Variants in POMGNT2 observed in about 807,000 individuals in gnomAD.
POMGNT2 encodes the protein protein O-linked-mannose beta-1,4-N-acetylglucosaminyltransferase 2.
In POMGNT2, 32 loss-of-function variants were observed where a neutral mutation model predicts 37.8. That is an observed-to-expected ratio of 0.85 (90% confidence interval 0.64 to 1.14). The LOEUF (loss-of-function observed/expected upper bound fraction) is 1.14. Among genes scored for constraint, POMGNT2 ranks in the 50% most tolerant of loss-of-function variants. The pLI is 0.00. For missense variants in POMGNT2, 705 were observed against 780.6 expected (o/e 0.90, Z 1.15); for synonymous variants, 340 against 336.8 (o/e 1.01, Z -0.10).
chr3:43,104,984 A>G (rs949745284), intron 1 of POMGNT2, among the ~76,000 whole-genome samples: 2 of 152,222 alleles, frequency 1.3e-5, no homozygotes, highest in Non-Finnish European at 2.9e-5. Flanking sequence ...CATTTGGTGA[A>G]TGAAACCTCC....
At chr3:43,082,173 C>T (rs1430290075) in intron 1 of POMGNT2, among the ~76,000 whole-genome samples, 1 of 152,178 alleles carries the variant, frequency 6.6e-6, no homozygotes, top group Non-Finnish European at 1.5e-5. Flanking sequence ...TAGGAAAATC[C>T]CTTGCAGGGG....
chr3:43,096,757 T>A (rs573652971), intron 1 of POMGNT2, among the ~76,000 whole-genome samples: 1 of 151,978 alleles, frequency 6.6e-6, no homozygotes, highest in East Asian at 1.9e-4. Flanking sequence ...AAAACAAAAA[T>A]TTTTTCAAAA....
At chr3:43,084,103 T>C (rs1184311295) in intron 1 of POMGNT2, among the ~76,000 whole-genome samples, 2 of 152,212 alleles carry the variant, frequency 1.3e-5, no homozygotes, top group African/African-American at 4.8e-5. Context: ...TCGAATTGTT[T>C]TTCCCTGGAG....
At chr3:43,104,613 G>A (rs1263611893) in intron 1 of POMGNT2, among the ~76,000 whole-genome samples, 1 of 152,194 alleles carries the variant, frequency 6.6e-6, no homozygotes, top group African/African-American at 2.4e-5. Flanking sequence ...TGCAGGGACT[G>A]AGATTCCTCA....
chr3:43,102,406 T>C (rs2090025999), intron 1 of POMGNT2, among the ~76,000 whole-genome samples: 1 of 152,230 alleles, frequency 6.6e-6, no homozygotes, highest in Non-Finnish European at 1.5e-5. Flanking sequence ...CAGTCACCAC[T>C]GGCAGAGTGA....
chr3:43,082,773 T>C (rs2089866803), intron 1 of POMGNT2, among the ~76,000 whole-genome samples: 1 of 152,184 alleles, frequency 6.6e-6, no homozygotes. Flanking sequence ...TCCAAGTGCA[T>C]CTTGCCTAGA....
At chr3:43,100,419 T>C (rs981935742) in intron 1 of POMGNT2, among the ~76,000 whole-genome samples, 1 of 152,186 alleles carries the variant, frequency 6.6e-6, no homozygotes, top group Non-Finnish European at 1.5e-5. Flanking sequence ...AACAGGCACT[T>C]GAGCATCCTT....
At chr3:43,097,069 G>A (rs887190618) in intron 1 of POMGNT2, among the ~76,000 whole-genome samples, 13 of 152,216 alleles carry the variant, frequency 8.5e-5, no homozygotes, top group Admixed American at 3.9e-4. Flanking sequence ...GGTGGTCATT[G>A]GTGCTGGGTG....
intron 1 of POMGNT2, among the ~76,000 whole-genome samples, chr3:43,099,451 G>A (rs2125711230): frequency 6.6e-6 from 1 of 152,306 alleles, no homozygotes; most frequent in South Asian, 2.1e-4. Flanking sequence ...TCTGTCTGCA[G>A]CAAGCATCAC....
At chr3:43,099,088 A>G (rs75435224) in intron 1 of POMGNT2, among the ~76,000 whole-genome samples, 2,219 of 152,250 alleles carry the variant, frequency 0.015, 55 homozygotes, top group African/African-American at 0.051. Context: ...TCACAAAGGT[A>G]ATGGAGAACA....
At chr3:43,083,240 CA>C (rs2089870149) in intron 1 of POMGNT2, among the ~76,000 whole-genome samples, 1 of 151,932 alleles carries the variant, frequency 6.6e-6, no homozygotes, top group Non-Finnish European at 1.5e-5. Flanking sequence ...ACAACAGAAA[CA>C]AAACAAAACA....
At chr3:43,090,899 G>A (rs1240586482) in intron 1 of POMGNT2, among the ~76,000 whole-genome samples, 1 of 152,156 alleles carries the variant, frequency 6.6e-6, no homozygotes, top group Non-Finnish European at 1.5e-5. Flanking sequence ...TACCCTAAAG[G>A]AATGACTGGA....
intron 1 of POMGNT2, among the ~76,000 whole-genome samples, chr3:43,097,423 C>G (rs2089987672): frequency 6.6e-6 from 1 of 151,612 alleles, no homozygotes. Flanking sequence ...GGGTTGGTTT[C>G]TGGTGAGGCT....
chr3:43,082,518 T>A (rs763785276), intron 1 of POMGNT2, among the ~76,000 whole-genome samples: 4 of 152,214 alleles, frequency 2.6e-5, no homozygotes, highest in Non-Finnish European at 4.4e-5. Flanking sequence ...ATACACACAC[T>A]GACAGAGAGG....
At chr3:43,101,752 A>T (rs2090020750) in intron 1 of POMGNT2, among the ~76,000 whole-genome samples, 1 of 152,208 alleles carries the variant, frequency 6.6e-6, no homozygotes, top group Non-Finnish European at 1.5e-5. Flanking sequence ...CCCCATAAGT[A>T]TCAGTAAAGG....
intron 1 of POMGNT2, among the ~76,000 whole-genome samples, chr3:43,104,953 C>T (rs951276040): frequency 1.3e-5 from 2 of 152,166 alleles, no homozygotes; most frequent in African/African-American, 4.8e-5. Flanking sequence ...GATTTGAAGG[C>T]GGGGCACATA....
chr3:43,102,013 T>C (rs997417686), intron 1 of POMGNT2, among the ~76,000 whole-genome samples: 1 of 151,880 alleles, frequency 6.6e-6, no homozygotes, highest in African/African-American at 2.4e-5. Context: ...CATAGGGAGA[T>C]GGCCATCCCT....
chr3:43,103,831 T>A (rs10865926), intron 1 of POMGNT2, among the ~76,000 whole-genome samples: 148,528 of 152,270 alleles, frequency 0.98, 72,548 homozygotes, highest in Middle Eastern at 1. Context: ...GCCAATTCTT[T>A]ACCTCTCCAA....
chr3:43,081,036 G>A lies in POMGNT2; in HGVS notation c.396C>T (p.Phe132=), dbSNP rs150567400. ...GCAGGGCAGCAGCAGGCAGCTCCAC[G>A]AAGTTGAAGTACTGAGTGTTGTGGT... ...VEDHNTQYFN[F]VELPAAALRF... The change falls in exon 2 of 2, where the codon TTC becomes TTT. Residue 132 remains phenylalanine, a synonymous_variant. Transcript: ENST00000344697. 168 of 1,614,118 alleles carry A rather than the reference G, an allele frequency of 1.0e-4. No homozygotes were observed. The highest frequency in any genetic ancestry group is 1.3e-4 in the Non-Finnish European group (149 of 1,180,044).
Sources: allele counts gnomAD v4.1 joint callset (sites outside exome capture counted in the v4.1 genomes callset), GRCh38; gene constraint gnomAD v4.1.1; transcripts MANE v1.5; gene names NCBI Gene and HGNC (gene_info 2026-07-23, HGNC 2026-07-21).